PTGR1: variants seen among roughly 807,000 people sequenced by gnomAD.
The protein encoded by PTGR1 is 15-oxoprostaglandin 13-reductase.
Under a neutral mutation model 37.7 loss-of-function variants are expected in PTGR1, and 23 were observed. The observed-to-expected ratio is 0.61, with a 90% CI of 0.44 to 0.86. The LOEUF (loss-of-function observed/expected upper bound fraction) is 0.86, where lower values mean the gene tolerates loss of function less well. Ranked by LOEUF, PTGR1 falls within the 40% of genes least tolerant of loss-of-function variation. The probability of loss-of-function intolerance (pLI) is 0.00; values close to 1 mark genes in which losing one functional copy is unlikely to be tolerated. For synonymous variants in PTGR1, 134 were observed against 140.0 expected, an observed-to-expected ratio of 0.96 and a Z score of 0.30; for missense variants, 351 against 394.3, an observed-to-expected ratio of 0.89 and a Z score of 0.93.
intron 6 of PTGR1, among the ~76,000 whole-genome samples, chr9:111,581,185 A>G (rs1027600029): frequency 6.6e-6 from 1 of 152,350 alleles, no homozygotes; most frequent in Non-Finnish European, 1.5e-5. Context: ...ATGTAATTCA[A>G]TTGGAGGACC....
At chr9:111,554,042 A>G (rs1304982042) in intron 9 of PTGR1, among the ~76,000 whole-genome samples, 1 of 152,202 alleles carries the variant, frequency 6.6e-6, no homozygotes, top group African/African-American at 2.4e-5. Flanking sequence ...ACAGCTGAGA[A>G]CCACAGGTTT....
chr9:111,570,174 G>C lies in PTGR1; in HGVS notation c.796C>G (p.Arg266Gly). ...CGGTAGACGACAAAAGCTTCCATGC[G>C]AAGCTCCTGATAGATAACAATCTCT... ...PPEIVIYQEL[R>G]MEAFVVYRWQ... The change falls in exon 9 of 10, where the codon CGC becomes GGC. Residue 266 changes from arginine (R) to glycine (G), a missense_variant. Transcript: ENST00000407693. 9 of 1,614,034 alleles carry C rather than the reference G, an allele frequency of 5.6e-6. No individual in the cohort carries two copies. Among genetic ancestry groups the C allele is most frequent in the Non-Finnish European group, 7.6e-6 (9 of 1,179,994 alleles).
chr9:111,553,471 CA>C (rs1169902201), intron 9 of PTGR1, among the ~76,000 whole-genome samples: 2 of 152,000 alleles, frequency 1.3e-5, no homozygotes, highest in Non-Finnish European at 2.9e-5. Flanking sequence ...GTGCTGTTTG[CA>C]TAGGTATACT....
At chr9:111,594,364 C>A (rs1180616434) in intron 2 of PTGR1, 97 bp from the exon 3 acceptor site, 30 of 1,152,202 alleles carry the variant, frequency 2.6e-5, no homozygotes, top group Non-Finnish European at 5.2e-6. Context: ...GAGACAGGGA[C>A]AAGGGTTGAG....
chr9:111,583,475 G>A lies in PTGR1; in HGVS notation c.492C>T (p.Leu164=). The change falls in exon 6 of 10, where the codon CTC becomes CTT. Residue 164 remains leucine (L), a synonymous_variant. Transcript: ENST00000407693. ...GTTACTGGAGAAAGGCACTTACCTT[G>A]AGCTTTGCAATCTGCCCCACGACTG... ...VGSVVGQIAK[L]KGCKVVGAVG... The A allele has an allele frequency of 6.2e-7, 1 of 1,603,972 alleles. No individual in the cohort carries two copies. The highest frequency in any genetic ancestry group is 8.5e-7 in the Non-Finnish European group (1 of 1,170,822).
intron 8 of PTGR1, 138 bp from the exon 9 acceptor site, chr9:111,570,347 C>T (rs1828757032): frequency 1.4e-6 from 2 of 1,384,284 alleles, no homozygotes; most frequent in Non-Finnish European, 9.5e-7. Flanking sequence ...TCACTCCTTT[C>T]TGATCCACGG....
downstream of PTGR1, among the ~76,000 whole-genome samples, chr9:111,558,225 T>C (rs1401288595): frequency 6.6e-6 from 1 of 152,238 alleles, no homozygotes; most frequent in East Asian, 1.9e-4. Flanking sequence ...TACGGACTCA[T>C]GGTTTCCCTT....
At chr9:111,557,390 ATGACT>A (rs965351564) in intron 9 of PTGR1, among the ~76,000 whole-genome samples, 5 of 151,292 alleles carry the variant, frequency 3.3e-5, no homozygotes, top group Non-Finnish European at 5.9e-5. Context: ...AAAAAAAAAG[ATGACT>A]TGAACACATG....
chr9:111,596,596 C>CAAA lies in PTGR1; in HGVS notation c.106+718_106+720dup, dbSNP rs566371612. Among the ~76,000 whole-genome samples the CAAA allele has an allele frequency of 5.7e-4, 74 of 130,228 alleles. 1 individual carries two copies. Among genetic ancestry groups the CAAA allele is most frequent in the African/African-American group, 2.1e-3 (72 of 34,994 alleles). 85.4% of individuals were successfully genotyped at this position (130,228 alleles called of 152,430 possible). A position where few individuals can be genotyped will look rare whatever the true frequency, so the allele number is the denominator to read the frequency against. ...TGAAACTCCATCTCTACTAAAAATA[C>CAAA]AAAAAAAAAAAAAAATTAGCCGGGC... On this transcript the variant is annotated intron_variant, in intron 2 of 9. Coordinates refer to ENST00000407693, the MANE Select transcript of PTGR1 (RefSeq NM_001146108.2).
At chr9:111,568,960 G>A (rs1828693460) in intron 9 of PTGR1, among the ~76,000 whole-genome samples, 1 of 152,096 alleles carries the variant, frequency 6.6e-6, no homozygotes, top group South Asian at 2.1e-4. Flanking sequence ...ATTAGACATG[G>A]GTACGACAGA....
chr9:111,567,886 A>G (rs923991404), intron 9 of PTGR1, among the ~76,000 whole-genome samples: 2 of 152,210 alleles, frequency 1.3e-5, no homozygotes, highest in Non-Finnish European at 2.9e-5. Flanking sequence ...TTTCATTTTA[A>G]TATGGACATT....
At chr9:111,555,533 T>A (rs754571136) in intron 9 of PTGR1, among the ~76,000 whole-genome samples, 1 of 152,048 alleles carries the variant, frequency 6.6e-6, no homozygotes, top group Non-Finnish European at 1.5e-5. Flanking sequence ...ACTGGGTAAT[T>A]TATGAAGAAA....
chr9:111,568,109 A>G (rs1828649742), intron 9 of PTGR1, among the ~76,000 whole-genome samples: 1 of 152,212 alleles, frequency 6.6e-6, no homozygotes, highest in Admixed American at 6.6e-5. Flanking sequence ...TTTTCAGGGA[A>G]CAAGGGAAGA....
intron 9 of PTGR1, among the ~76,000 whole-genome samples, chr9:111,553,211 T>A (rs1198490992): frequency 1.3e-5 from 2 of 152,232 alleles, no homozygotes; most frequent in East Asian, 3.8e-4. Flanking sequence ...AAACAGCTTT[T>A]CCATTTTGCT....
intron 7 of PTGR1, chr9:111,576,556 A>G: frequency 9.5e-7 from 1 of 1,057,862 alleles, no homozygotes. Context: ...TAGCTAGTGG[A>G]GTGGCCATAG....
intron 9 of PTGR1, among the ~76,000 whole-genome samples, chr9:111,569,696 C>A (rs559691667): frequency 1.3e-3 from 194 of 152,198 alleles, no homozygotes; most frequent in African/African-American, 4.5e-3. Context: ...ACCCAGGAGG[C>A]GGAGGTTGCC....
At position 111,585,537 on chromosome 9, in the gene PTGR1, C is replaced by T. The variant is rs972527545; in HGVS notation, c.377+461G>A. 3.9e-5 allele frequency among the ~76,000 whole-genome samples: 6 copies of T among 152,098 alleles called. No individual in the cohort carries two copies. In the East Asian group the frequency reaches 7.7e-4, roughly 19 times the overall value. On this transcript the variant is annotated intron_variant, in intron 5 of 9. Transcript: ENST00000407693. ...TAATTACTAAAATGTTTATTCATGCCGGGCATGGTGGGTCTAACTGAAATT... is the reference window on the plus strand; with the variant it reads ...TAATTACTAAAATGTTTATTCATGCTGGGCATGGTGGGTCTAACTGAAATT...
chr9:111,591,221 T>C (rs942297549), intron 4 of PTGR1, among the ~76,000 whole-genome samples: 6 of 150,990 alleles, frequency 4.0e-5, no homozygotes, highest in Admixed American at 2.6e-4. Context: ...CACTTGAACC[T>C]GGGAGGTAGA....
chr9:111,598,384 C>T (rs1018170594), intron 1 of PTGR1, among the ~76,000 whole-genome samples: 1 of 152,222 alleles, frequency 6.6e-6, no homozygotes, highest in South Asian at 2.1e-4. Context: ...GCTCCCCTAC[C>T]GGTGCCGCGG....
Sources: allele counts gnomAD v4.1 joint callset (sites outside exome capture counted in the v4.1 genomes callset), GRCh38; gene constraint gnomAD v4.1.1; transcripts MANE v1.5; gene names NCBI Gene and HGNC (gene_info 2026-07-23, HGNC 2026-07-21).